Variants in MAPK10 observed in about 807,000 individuals in gnomAD.
MAPK10 encodes the protein JNK3 alpha protein kinase.
In MAPK10, 25 loss-of-function variants were observed where a neutral mutation model predicts 59.3. That is an observed-to-expected ratio of 0.42 (90% CI 0.31 to 0.59). The LOEUF (loss-of-function observed/expected upper bound fraction) is 0.59, where lower values mean the gene tolerates loss of function less well. Among genes scored for constraint, MAPK10 ranks in the 20% least tolerant of loss-of-function variants. MAPK10 has a pLI of 0.15. For missense variants in MAPK10, 351 were observed against 568.9 expected, an observed-to-expected ratio of 0.62 and a Z score of 3.90; for synonymous variants, 190 against 200.5, an observed-to-expected ratio of 0.95 and a Z score of 0.44.
At chr4:86,067,487 T>C (rs944909541) in intron 10 of MAPK10, among the ~76,000 whole-genome samples, 25 of 152,102 alleles carry the variant, frequency 1.6e-4, no homozygotes, top group African/African-American at 5.6e-4. Flanking sequence ...CTACTCCCCT[T>C]TGTAGGAACG....
intron 11 of MAPK10, among the ~76,000 whole-genome samples, chr4:86,037,115 T>A (rs1012423421): frequency 2.0e-5 from 3 of 152,236 alleles, no homozygotes; most frequent in African/African-American, 7.2e-5. Context: ...TTCTGCATAA[T>A]AAATCTATAG....
chr4:86,178,227 A>C (rs777934494), intron 3 of MAPK10, among the ~76,000 whole-genome samples: 10 of 152,060 alleles, frequency 6.6e-5, no homozygotes, highest in Non-Finnish European at 1.3e-4. Context: ...TTTTGTTCTC[A>C]GTTAAATGTA....
intron 1 of MAPK10, among the ~76,000 whole-genome samples, chr4:86,467,348 G>A (rs1450512779): frequency 6.6e-6 from 1 of 152,172 alleles, no homozygotes; most frequent in African/African-American, 2.4e-5. Flanking sequence ...GAAAGATAAG[G>A]AAATAAAATA....
At chr4:86,074,755 A>T (rs956410486) in intron 9 of MAPK10, among the ~76,000 whole-genome samples, 9 of 134,588 alleles carry the variant, frequency 6.7e-5, no homozygotes, top group African/African-American at 2.7e-4. Context: ...GTTTCTGCCG[A>T]GAGATCCGCT....
chr4:86,336,667 C>G (rs185585079), intron 2 of MAPK10: 3 of 152,042 alleles, frequency 2.0e-5, no homozygotes, highest in Non-Finnish European at 4.4e-5. Context: ...TATTTCTGCT[C>G]AACATTCTCC....
rs541869112 is a variant in MAPK10, at chr4:86,505,587, T to A, written c.-263+88323A>T. ...GGGCAACAGAGTGAGACCCTGTTTT[T>A]AAAAAAAAAAGTTTCCTTTTTTCAT... On this transcript the variant is annotated intron_variant, in intron 1 of 4. Coordinates refer to the MAPK10 transcript ENST00000502302. 4.6e-3 allele frequency among the ~76,000 whole-genome samples: 698 copies of A among 150,162 alleles called. 1 individual carries two copies. The highest frequency in any genetic ancestry group is 5.3e-3 in the Non-Finnish European group (356 of 67,320).
rs529874171 is a variant in MAPK10 at position 86,012,928 on chromosome 4, G to C, written c.*4300C>G. On this transcript the variant is annotated 3_prime_UTR_variant, in exon 14 of 14. Transcript: ENST00000641462. ...CTCATCATTGGTAATAGTCTTTGGA[G>C]TCCAATCATGCAGAAAAACAGGCAG... 6 of 152,284 alleles carry C rather than the reference G, an allele frequency of 3.9e-5. No homozygotes were observed. In the East Asian group the frequency reaches 5.8e-4, roughly 15 times the overall value. 9.4% of individuals were successfully genotyped at this position (152,284 alleles called of 1,614,324 possible).
chr4:86,237,742 T>C (rs926438495), intron 2 of MAPK10, among the ~76,000 whole-genome samples: 8 of 152,242 alleles, frequency 5.3e-5, no homozygotes, highest in Non-Finnish European at 8.8e-5. Flanking sequence ...AACCTGGATA[T>C]TAGACCTTCG....
At position 86,013,276 on chromosome 4, in the gene MAPK10, T is replaced by A. The variant is rs1741956041; in HGVS notation, c.*3952A>T. Reference sequence around the variant, plus strand: ...TTTTTGTTGTTTTTACAGAGAGGAGTTTCCTTGCTTGGCTTAATGATATCT... The same window carrying A: ...TTTTTGTTGTTTTTACAGAGAGGAGATTCCTTGCTTGGCTTAATGATATCT... On this transcript the variant is annotated 3_prime_UTR_variant, in exon 14 of 14. Transcript: ENST00000641462. 6.6e-6 allele frequency: 1 copy of A among 151,892 alleles called. No individual in the cohort carries two copies. The highest frequency in any genetic ancestry group is 2.4e-5 in the African/African-American group (1 of 41,324). The allele number at this position is 151,892 out of a possible 1,614,324, so 9.4% of individuals were successfully genotyped here.
rs1286222136 is a variant in MAPK10, at chr4:86,019,150, C to G, written c.1253-1780G>C. 2.6e-5 allele frequency among the ~76,000 whole-genome samples: 4 copies of G among 152,152 alleles called. No individual in the cohort carries two copies. The East Asian group carries it at 7.7e-4, about 29-fold the overall frequency. ...TAGGAAATAAAGATAATGATATGCA[C>G]CGATCTTCAAATAAACGGTAAGAAC... On this transcript the variant is annotated intron_variant, in intron 13 of 13. Transcript: ENST00000641462.
intron 2 of MAPK10, among the ~76,000 whole-genome samples, chr4:86,195,818 T>G (rs902424665): frequency 1.3e-5 from 2 of 152,060 alleles, no homozygotes; most frequent in Admixed American, 6.6e-5. Context: ...GAACATGCAG[T>G]GTTTGGTTTT....
intron 4 of MAPK10, among the ~76,000 whole-genome samples, chr4:86,130,766 A>T (rs529622188): frequency 5.7e-4 from 87 of 152,222 alleles, no homozygotes; most frequent in Admixed American, 7.9e-4. Flanking sequence ...ATGGGGAAGA[A>T]GATGTTGGGG....
At chr4:86,580,529 T>G (rs1357892447) in intron 1 of MAPK10, among the ~76,000 whole-genome samples, 1 of 152,206 alleles carries the variant, frequency 6.6e-6, no homozygotes, top group African/African-American at 2.4e-5. Flanking sequence ...GTGGTCTTAA[T>G]GTTCTTACTT....
chr4:86,044,549 C>T (rs2042165371), intron 11 of MAPK10: 2 of 391,140 alleles, frequency 5.1e-6, no homozygotes, highest in Non-Finnish European at 4.5e-6. Flanking sequence ...GTGATTTTCT[C>T]TCAATCTTTA....
At chr4:86,573,157 C>T (rs1761596518) in intron 1 of MAPK10, among the ~76,000 whole-genome samples, 1 of 151,988 alleles carries the variant, frequency 6.6e-6, no homozygotes, top group Non-Finnish European at 1.5e-5. Flanking sequence ...TCTAATTTTC[C>T]AATTTTTTAA....
chr4:86,121,829 A>T (rs1344462093), intron 4 of MAPK10, among the ~76,000 whole-genome samples: 1 of 152,112 alleles, frequency 6.6e-6, no homozygotes, highest in Non-Finnish European at 1.5e-5. Context: ...TTCTCCTGTC[A>T]AACTGTCTAA....
chr4:86,071,484 T>A (rs2047951441), intron 9 of MAPK10, among the ~76,000 whole-genome samples: 1 of 144,378 alleles, frequency 6.9e-6, no homozygotes, highest in African/African-American at 2.7e-5. Flanking sequence ...ATGTCCTGAA[T>A]GGTAATGCCT....
intron 1 of MAPK10, among the ~76,000 whole-genome samples, chr4:86,537,848 C>G (rs72665739): frequency 0.026 from 4,012 of 152,132 alleles, 72 homozygotes; most frequent in Middle Eastern, 0.065. Context: ...ATTTATTAAT[C>G]TTTTTCTTTA....
chr4:86,173,715 T>C (rs2074970715), intron 3 of MAPK10, among the ~76,000 whole-genome samples: 1 of 151,734 alleles, frequency 6.6e-6, no homozygotes, highest in Non-Finnish European at 1.5e-5. Context: ...GGGAGAAAAA[T>C]TTTTCAATCT....
Sources: gnomAD v4.1 joint callset for allele counts (sites outside exome capture counted in the v4.1 genomes callset) on GRCh38, gnomAD v4.1.1 for gene constraint, MANE v1.5 for transcripts, NCBI Gene and HGNC (gene_info 2026-07-23, HGNC 2026-07-21) for gene names.